COL6A6: variants seen among roughly 807,000 people sequenced by gnomAD.
COL6A6 encodes collagen alpha-6(VI) chain.
Under a neutral mutation model 208.6 loss-of-function variants are expected in COL6A6, and 183 were observed. The ratio of observed to expected loss-of-function variants is 0.88; its 90% confidence interval spans 0.78 to 0.99. The LOEUF (loss-of-function observed/expected upper bound fraction) is 0.99, where lower values mean the gene tolerates loss of function less well. Ranked by LOEUF, COL6A6 falls within the 50% of genes least tolerant of loss-of-function variation. The pLI, the probability that COL6A6 is intolerant of heterozygous loss-of-function variation, is 0.00. For synonymous variants in COL6A6, 973 were observed against 1,011.8 expected, an observed-to-expected ratio of 0.96 and a Z score of 0.73; for missense variants, 2,816 against 2,815.2, an observed-to-expected ratio of 1.00 and a Z score of -0.01.
At chr3:130,588,952 C>G (rs974843372) in intron 11 of COL6A6, 138 bp from the exon 12 acceptor site, 116 of 238,356 alleles carry the variant, frequency 4.9e-4, no homozygotes, top group East Asian at 1.3e-3. Flanking sequence ...TTCATGCATT[C>G]TTTCTAAAGC....
chr3:130,568,181 CA>C lies in COL6A6; in HGVS notation c.1981del (p.Ile661LeufsTer3). On this transcript the variant is annotated frameshift_variant, in exon 6 of 37. Transcript: ENST00000358511. LOFTEE classifies it high-confidence loss of function. ...SKSQIGPDRV[Q>X]IGVVQFSDIN... ...GTCTCAGATTGGACCAGATCGGGTG[CA>C]AATTGGTGTAGTCCAGTTCAGCGAC... 6.2e-7 allele frequency: 1 copy of C among 1,613,982 alleles called. No homozygotes were observed. Among genetic ancestry groups the C allele is most frequent in the Non-Finnish European group, 8.5e-7 (1 of 1,179,888 alleles).
intron 23 of COL6A6, among the ~76,000 whole-genome samples, chr3:130,619,161 A>G (rs2064628185): frequency 6.6e-6 from 1 of 152,216 alleles, no homozygotes; most frequent in Admixed American, 6.5e-5. Context: ...TTAAAGAAGT[A>G]TACAGTCTAG....
In COL6A6 at chr3:130,542,654, T is replaced by C. The variant is rs540817080; in HGVS notation, c.-31-17680T>C. ...CTTCAACTATAATAGTGGATTCATCTGTTTCTCTTCACAGTTCTATTGGTT... is the reference window on the plus strand; with the variant it reads ...CTTCAACTATAATAGTGGATTCATCCGTTTCTCTTCACAGTTCTATTGGTT... On this transcript the variant is annotated intron_variant, in intron 1 of 36. Transcript: ENST00000358511. Among the ~76,000 whole-genome samples the C allele has an allele frequency of 4.6e-5, 7 of 152,340 alleles. No individual in the cohort carries two copies. In the South Asian group the frequency reaches 1.5e-3, roughly 32 times the overall value.
In COL6A6 at chr3:130,526,813, TA is replaced by T. The variant is rs34245542; in HGVS notation, c.-32+9427del. ...TCAAAGGACTATATGCTCCATGAGA[TA>T]AAAAAAAAAAGTCTGTTTTTACTTT... On this transcript the variant is annotated intron_variant, in intron 1 of 36. Coordinates refer to ENST00000358511, the MANE Select transcript of COL6A6 (RefSeq NM_001102608.3). 3.9e-3 allele frequency among the ~76,000 whole-genome samples: 569 copies of T among 146,564 alleles called. 5 individuals are homozygous for T. Among genetic ancestry groups the T allele is most frequent in the South Asian group, 0.011 (52 of 4,638 alleles).
At chr3:130,657,473 G>A (rs538742483) in intron 33 of COL6A6, among the ~76,000 whole-genome samples, 74 of 152,358 alleles carry the variant, frequency 4.9e-4, no homozygotes, top group Middle Eastern at 3.4e-3. Flanking sequence ...ACTGATTACG[G>A]TTCGGGCTTT....
In COL6A6 at chr3:130,565,536, A is replaced by G; in HGVS notation, c.1204A>G (p.Thr402Ala). Residue 402 changes from threonine to alanine, a missense_variant, in exon 4 of 37, where the codon ACA becomes GCA. Transcript: ENST00000358511. ...CGCTGACCTGGCTGCTCACAACCAG[A>G]CATTTCTGAAGAAGCTGCGGAACCA... is the stretch of plus-strand genomic sequence containing the variant. The part of the protein sequence containing the change: ...TFADLAAHNQ[T>A]FLKKLRNQIT... 6.2e-7 allele frequency: 1 copy of G among 1,613,954 alleles called. No individual in the cohort carries two copies. The highest frequency in any genetic ancestry group is 8.5e-7 in the Non-Finnish European group (1 of 1,179,838).
chr3:130,539,045 A>G (rs1284855121), intron 1 of COL6A6, among the ~76,000 whole-genome samples: 1 of 152,204 alleles, frequency 6.6e-6, no homozygotes. Context: ...TCAGGTCCCC[A>G]TGCTGAGAGT....
At position 130,518,128 on chromosome 3, in the gene COL6A6, C is replaced by G. The variant is rs1212255006; in HGVS notation, c.-32+731C>G. Among the ~76,000 whole-genome samples, 35 of 152,122 alleles carry G rather than the reference C, an allele frequency of 2.3e-4. 1 individual carries two copies. The highest frequency in any genetic ancestry group is 2.3e-3 in the Admixed American group (35 of 15,278). ...TTTTGTGACAAGGATTTCTCATTCT[C>G]TTGTTAAAAGTCTACTCTATGGATA... On this transcript the variant is annotated intron_variant, in intron 1 of 36. Coordinates refer to ENST00000358511, the MANE Select transcript of COL6A6 (RefSeq NM_001102608.3).
At chr3:130,664,144 T>C (rs1208403985) in intron 35 of COL6A6, among the ~76,000 whole-genome samples, 1 of 152,176 alleles carries the variant, frequency 6.6e-6, no homozygotes, top group East Asian at 1.9e-4. Context: ...GAGTTGACTA[T>C]CAAGCACACT....
rs765617982 is a variant in COL6A6 at position 130,589,082 on chromosome 3, C to T, written c.4126-8C>T. On this transcript the variant is annotated splice_region_variant and splice_polypyrimidine_tract_variant and intron_variant, in intron 11 of 36. Coordinates refer to ENST00000358511, the MANE Select transcript of COL6A6 (RefSeq NM_001102608.3). ...CCAAATGTAATGTATTTCTTACCCT[C>T]TCCCAAGGTCAATGTTGCTGAAAGG... 3 of 1,611,756 alleles carry T rather than the reference C, an allele frequency of 1.9e-6. No homozygotes were observed. Among genetic ancestry groups the T allele is most frequent in the Admixed American group, 1.7e-5 (1 of 60,008 alleles).
chr3:130,637,356 A>G (rs933006219), intron 28 of COL6A6, among the ~76,000 whole-genome samples: 4 of 151,728 alleles, frequency 2.6e-5, no homozygotes, highest in Admixed American at 1.3e-4. Context: ...GCACGCTAAC[A>G]AGTTCATGGT....
rs1223155587 is a variant in COL6A6, at chr3:130,594,350, G to C, written c.4533+7G>C. 8.1e-6 allele frequency: 13 copies of C among 1,609,214 alleles called. No homozygotes were observed. Among genetic ancestry groups the C allele is most frequent in the Non-Finnish European group, 1.0e-5 (12 of 1,177,676 alleles). ...GGGCCTGCGAGGGGATCCCGTAAGT[G>C]CACGGGCTGCAAACTGGAGTTAGGG... On this transcript the variant is annotated splice_region_variant and intron_variant, in intron 18 of 36. Transcript: ENST00000358511.
chr3:130,619,786 A>G (rs1164741527), intron 23 of COL6A6, among the ~76,000 whole-genome samples: 3 of 152,166 alleles, frequency 2.0e-5, no homozygotes, highest in African/African-American at 7.2e-5. Context: ...GGAAGGGTCT[A>G]GGATAATTCT....
rs1424381323 is a variant in COL6A6, at chr3:130,581,768, C to T, written c.3755C>T (p.Pro1252Leu). 1.2e-6 allele frequency: 2 copies of T among 1,613,840 alleles called. No individual in the cohort carries two copies. The highest frequency in any genetic ancestry group is 1.7e-6 in the Non-Finnish European group (2 of 1,179,802). ...ACCAATGCCATGGAAAAATATTCTC[C>T]CAAGTTTGAGATCTACAGTGAAAAC... ...QVTNAMEKYS[P>L]KFEIYSENIL... Residue 1252 changes from proline to leucine, a missense_variant, in exon 9 of 37, where the codon CCC becomes CTC. Transcript: ENST00000358511.
intron 18 of COL6A6, among the ~76,000 whole-genome samples, chr3:130,596,824 T>TA (rs1291746062): frequency 6.6e-6 from 1 of 152,148 alleles, no homozygotes; most frequent in African/African-American, 2.4e-5. Context: ...ATAAAATTTT[T>TA]AAAAAAAGAA....
intron 8 of COL6A6, among the ~76,000 whole-genome samples, chr3:130,575,363 A>G (rs549141773): frequency 1.1e-4 from 16 of 152,366 alleles, no homozygotes; most frequent in South Asian, 8.3e-4. Context: ...TTTAATGAGC[A>G]TAACACCTGA....
rs1349021097 is a variant in COL6A6 at position 130,676,484 on chromosome 3, A to G, written c.*1087A>G. 6.6e-6 allele frequency: 1 copy of G among 152,168 alleles called. No individual in the cohort carries two copies. Among genetic ancestry groups the G allele is most frequent in the Non-Finnish European group, 1.5e-5 (1 of 68,040 alleles). The allele number at this position is 152,168 out of a possible 1,614,324, so 9.4% of individuals were successfully genotyped here. A position where few individuals can be genotyped will look rare whatever the true frequency, so the allele number is the denominator to read the frequency against. ...TGATATTTTCAACAACGAAACACCC[A>G]ATGTTCAGACCTTACCTCAGTCTAA... On this transcript the variant is annotated 3_prime_UTR_variant, in exon 37 of 37. Transcript: ENST00000358511.
chr3:130,627,311 G>C lies in COL6A6; in HGVS notation c.4942-8G>C. 1 of 1,613,268 alleles carries C rather than the reference G, an allele frequency of 6.2e-7. No homozygotes were observed. The highest frequency in any genetic ancestry group is 8.5e-7 in the Non-Finnish European group (1 of 1,179,280). The stretch of plus-strand genomic sequence containing the variant: ...TGGGATGTTGGTAATCAATTGCTCT[G>C]TTTACAGGGCAATGATGGCAGTCCA... On this transcript the variant is annotated splice_region_variant and splice_polypyrimidine_tract_variant and intron_variant, in intron 25 of 36. Transcript: ENST00000358511.
At chr3:130,674,892 A>G (rs1559811862) in intron 36 of COL6A6, among the ~76,000 whole-genome samples, 2 of 152,196 alleles carry the variant, frequency 1.3e-5, no homozygotes, top group African/African-American at 4.8e-5. Flanking sequence ...GTGGTCTGTG[A>G]TGAGGTACCA....
Sources: allele counts gnomAD v4.1 joint callset (sites outside exome capture counted in the v4.1 genomes callset), GRCh38; gene constraint gnomAD v4.1.1; transcripts MANE v1.5; gene names NCBI Gene and HGNC (gene_info 2026-07-23, HGNC 2026-07-21).